Variants in ISM1 observed in about 807,000 individuals in gnomAD.
The protein encoded by ISM1 is isthmin 1, also known as isthmin-1.
Under a neutral mutation model 46.3 loss-of-function variants are expected in ISM1, and 25 were observed. The ratio of observed to expected loss-of-function variants is 0.54; its 90% CI spans 0.39 to 0.75. The LOEUF is 0.75. Ranked by LOEUF, ISM1 falls within the 30% of genes least tolerant of loss-of-function variation. The probability of loss-of-function intolerance (pLI) is 0.00; values close to 1 mark genes in which losing one functional copy is unlikely to be tolerated. For synonymous variants in ISM1, 255 were observed against 256.7 expected (o/e 0.99, Z 0.06); for missense variants, 536 against 625.4 (o/e 0.86, Z 1.52).
intron 2 of ISM1, among the ~76,000 whole-genome samples, chr20:13,276,438 T>C (rs1359021639): frequency 6.6e-6 from 1 of 152,232 alleles, no homozygotes; most frequent in African/African-American, 2.4e-5. Flanking sequence ...TTGGAACTTT[T>C]CCTCGTTTCC....
In ISM1 at chr20:13,231,358, A is replaced by G. The variant is rs149663101; in HGVS notation, c.138+9444A>G. Among the ~76,000 whole-genome samples, 344 of 152,364 alleles carry G rather than the reference A, an allele frequency of 2.3e-3. 3 individuals carry two copies. The highest frequency in any genetic ancestry group is 7.4e-3 in the African/African-American group (306 of 41,584). On this transcript the variant is annotated intron_variant, in intron 1 of 5. Coordinates refer to ENST00000262487, the MANE Select transcript of ISM1 (RefSeq NM_080826.2). ...TCAGGAAGAGGGAAATTCCAAAATT[A>G]CAGAGATGGGCTGCAAAGGTCACGC...
rs1167365026 is a variant in ISM1 at position 13,225,393 on chromosome 20, T to C, written c.138+3479T>C. 2.6e-5 allele frequency among the ~76,000 whole-genome samples: 4 copies of C among 152,210 alleles called. No individual in the cohort carries two copies. In the East Asian group the frequency reaches 7.7e-4, roughly 29 times the overall value. ...TTTTAACAATTTACATTTTCAAATGTATCTTGACAGTCTTACTGTGTTAAC... is the reference window on the plus strand; with the variant it reads ...TTTTAACAATTTACATTTTCAAATGCATCTTGACAGTCTTACTGTGTTAAC... On this transcript the variant is annotated intron_variant, in intron 1 of 5. Transcript: ENST00000262487.
At position 13,276,778 on chromosome 20, in the gene ISM1, G is replaced by A; in HGVS notation, c.379-2856G>A. 1.3e-5 allele frequency among the ~76,000 whole-genome samples: 2 copies of A among 152,160 alleles called. 1 individual carries two copies. The highest frequency in any genetic ancestry group is 2.9e-5 in the Non-Finnish European group (2 of 68,024). ...TAAAAAGCATGTAAATAGAATGAGA[G>A]CAATAGGAAACATAAAACGAGCCCT... is the stretch of plus-strand genomic sequence containing the variant. On this transcript the variant is annotated intron_variant, in intron 2 of 5. Coordinates refer to ENST00000262487, the MANE Select transcript of ISM1 (RefSeq NM_080826.2).
chr20:13,247,233 A>C (rs2039805728), intron 1 of ISM1, among the ~76,000 whole-genome samples: 1 of 150,144 alleles, frequency 6.7e-6, no homozygotes, highest in African/African-American at 2.4e-5. Flanking sequence ...TCTCCGTCTC[A>C]AAAAAAAAAT....
intron 3 of ISM1, among the ~76,000 whole-genome samples, chr20:13,281,059 TAATA>T (rs767454441): frequency 6.0e-4 from 91 of 152,352 alleles, no homozygotes; most frequent in Admixed American, 4.1e-3. Context: ...TTCTTCTCAT[TAATA>T]GAGAATTCTA....
chr20:13,310,368 C>T, the ISM1 span, among the ~76,000 whole-genome samples: 2 of 152,070 alleles, frequency 1.3e-5, no homozygotes, highest in Non-Finnish European at 2.9e-5. Context: ...AACTGGATAT[C>T]CACCTGCAGA....
At chr20:13,247,517 GGTGT>G (rs35224672) in intron 1 of ISM1, among the ~76,000 whole-genome samples, 8,477 of 139,728 alleles carry the variant, frequency 0.061, 638 homozygotes, top group African/African-American at 0.19. Context: ...CAAAGTGAGG[GGTGT>G]GTGTGTGTGT....
At chr20:13,306,564 C>CAAAAAAAAAAAAAAAAAAAAAAAAA in the ISM1 span, among the ~76,000 whole-genome samples, 5 of 63,914 alleles carry the variant, frequency 7.8e-5, no homozygotes, top group African/African-American at 2.2e-4. Context: ...GGAGAAAGGA[C>CAAAAAAAAAAAAAAAAAAAAAAAAA]AAAAAAAAAA....
intron 1 of ISM1, among the ~76,000 whole-genome samples, chr20:13,238,558 T>C (rs938490763): frequency 6.6e-6 from 1 of 152,212 alleles, no homozygotes; most frequent in Non-Finnish European, 1.5e-5. Flanking sequence ...CACAGACTTA[T>C]TAGCATTTCC....
rs1157209253 is a variant in ISM1 at position 13,268,137 on chromosome 20, T to TTCTCC, written c.139-2363_139-2362insCTCTC. Among the ~76,000 whole-genome samples, 665 of 150,654 alleles carry TTCTCC rather than the reference T, an allele frequency of 4.4e-3. 5 individuals are homozygous for TTCTCC. Among genetic ancestry groups the TTCTCC allele is most frequent in the Middle Eastern group, 0.021 (6 of 292 alleles). ...CTGTCTTCTCTTCTCTTCTCTTCTC[T>TTCTCC]TCTCTTCTCTTCTCTTCCCTTCCCT... On this transcript the variant is annotated intron_variant, in intron 1 of 5. Transcript: ENST00000262487.
At chr20:13,223,437 G>A (rs1203793414) in intron 1 of ISM1, among the ~76,000 whole-genome samples, 4 of 152,138 alleles carry the variant, frequency 2.6e-5, no homozygotes, top group African/African-American at 9.7e-5. Context: ...TGTTAATATA[G>A]CCTCATTTAC....
Position 13,270,716 on chromosome 20 carries a change from T to C in ISM1, c.351T>C (p.Asp117=). Residue 117 remains aspartate (D), a synonymous_variant, in exon 2 of 6, where the codon GAT becomes GAC. Coordinates refer to ENST00000262487, the MANE Select transcript of ISM1 (RefSeq NM_080826.2). ...LPNFPDLSKA[D]INGQNPNIQV... Reference sequence around the variant, plus strand: ...ACTTTCCAGATCTTTCCAAAGCTGATATCAATGGGCAGAATCCAAATATCC... The same window carrying C: ...ACTTTCCAGATCTTTCCAAAGCTGACATCAATGGGCAGAATCCAAATATCC... 2 of 1,613,920 alleles carry C rather than the reference T, an allele frequency of 1.2e-6. No homozygotes were observed. The highest frequency in any genetic ancestry group is 1.7e-6 in the Non-Finnish European group (2 of 1,179,830).
chr20:13,256,128 G>A (rs2123207673), intron 1 of ISM1, among the ~76,000 whole-genome samples: 1 of 152,160 alleles, frequency 6.6e-6, no homozygotes, highest in East Asian at 1.9e-4. Context: ...AGGCGTGGTG[G>A]CTCATGCCTG....
chr20:13,278,186 T>C (rs2123277425), intron 2 of ISM1, among the ~76,000 whole-genome samples: 1 of 152,334 alleles, frequency 6.6e-6, no homozygotes, highest in South Asian at 2.1e-4. Flanking sequence ...TTATGTTTTT[T>C]AAACAAGTCT....
the ISM1 span, among the ~76,000 whole-genome samples, chr20:13,325,950 C>G: frequency 2.6e-5 from 4 of 152,208 alleles, no homozygotes; most frequent in African/African-American, 7.2e-5. Flanking sequence ...GTAGTCCTAT[C>G]TTACCACCTC....
downstream of ISM1, among the ~76,000 whole-genome samples, chr20:13,302,973 A>G (rs750901083): frequency 6.6e-6 from 1 of 152,212 alleles, no homozygotes; most frequent in Non-Finnish European, 1.5e-5. Context: ...TCTCTGTCTT[A>G]ACGCCGGGGA....
chr20:13,224,670 A>AT (rs113658114), intron 1 of ISM1, among the ~76,000 whole-genome samples: 3,363 of 152,186 alleles, frequency 0.022, 115 homozygotes, highest in African/African-American at 0.074. Context: ...ATTTACCTGA[A>AT]TTGTAGTATG....
intron 1 of ISM1, among the ~76,000 whole-genome samples, chr20:13,229,429 A>G (rs987936995): frequency 2.0e-5 from 3 of 152,020 alleles, no homozygotes; most frequent in Non-Finnish European, 4.4e-5. Flanking sequence ...TACTTTTTGC[A>G]TTTTTCCATG....
At chr20:13,259,627 A>G (rs2039966643) in intron 1 of ISM1, among the ~76,000 whole-genome samples, 1 of 152,248 alleles carries the variant, frequency 6.6e-6, no homozygotes, top group African/African-American at 2.4e-5. Context: ...TGTAAACATA[A>G]ATAAGACTGA....
Sources: allele counts gnomAD v4.1 joint callset (sites outside exome capture counted in the v4.1 genomes callset), GRCh38; gene constraint gnomAD v4.1.1; transcripts MANE v1.5; gene names NCBI Gene and HGNC (gene_info 2026-07-23, HGNC 2026-07-21).